Variants in CERS6 observed in about 807,000 individuals in gnomAD.
CERS6 encodes LAG1 homolog, ceramide synthase 6.
A neutral mutation model predicts 56.8 loss-of-function variants in CERS6; 26 were observed. That is an observed-to-expected ratio of 0.46 (90% confidence interval 0.34 to 0.63). The LOEUF (loss-of-function observed/expected upper bound fraction) is 0.63. Among genes scored for constraint, CERS6 ranks in the 30% least tolerant of loss-of-function variants. The pLI is 0.01. For missense variants in CERS6, 415 were observed against 467.5 expected (o/e 0.89, Z 1.04); for synonymous variants, 164 against 173.3 (o/e 0.95, Z 0.42).
At chr2:168,527,928 C>T (rs1574044345) in intron 1 of CERS6, among the ~76,000 whole-genome samples, 1 of 151,954 alleles carries the variant, frequency 6.6e-6, no homozygotes, top group East Asian at 1.9e-4. Context: ...GCCATGTTGC[C>T]CAGCCTGGTC....
chr2:168,728,450 C>T (rs1410702427), intron 8 of CERS6, among the ~76,000 whole-genome samples: 5 of 136,934 alleles, frequency 3.7e-5, no homozygotes, highest in Non-Finnish European at 7.6e-5. Flanking sequence ...AGTGCAATGG[C>T]GCGATCTCGG....
intron 1 of CERS6, among the ~76,000 whole-genome samples, chr2:168,493,125 T>A (rs1227688234): frequency 6.6e-6 from 1 of 152,204 alleles, no homozygotes; most frequent in Non-Finnish European, 1.5e-5. Context: ...CATAATTTTT[T>A]ATGCTAAATT....
At chr2:168,630,432 A>G (rs544977146) in intron 3 of CERS6, among the ~76,000 whole-genome samples, 1 of 152,186 alleles carries the variant, frequency 6.6e-6, no homozygotes, top group African/African-American at 2.4e-5. Flanking sequence ...CAGCTAGACC[A>G]TAAGTTTGGC....
chr2:168,619,268 A>T (rs867674219), intron 3 of CERS6, among the ~76,000 whole-genome samples: 1 of 152,174 alleles, frequency 6.6e-6, no homozygotes. Context: ...AGAAGATAAC[A>T]TTGGAAAAAC....
intron 6 of CERS6, 119 bp downstream of exon 6, chr2:168,695,170 G>T (rs113480296): frequency 1.4e-6 from 1 of 695,850 alleles, no homozygotes; most frequent in Non-Finnish European, 2.5e-6. Context: ...AGGTTAGTAC[G>T]ACTTGCTGCG....
intron 8 of CERS6, among the ~76,000 whole-genome samples, chr2:168,750,406 G>C (rs2105444081): frequency 6.6e-6 from 1 of 152,280 alleles, no homozygotes; most frequent in East Asian, 1.9e-4. Context: ...CAATCCTATA[G>C]TTCTGAGATA....
intron 8 of CERS6, among the ~76,000 whole-genome samples, chr2:168,730,130 T>A (rs952191477): frequency 6.6e-6 from 1 of 152,212 alleles, no homozygotes; most frequent in Non-Finnish European, 1.5e-5. Context: ...AAGAGTGACT[T>A]AGTAGCTTTC....
At chr2:168,733,159 T>C (rs1683599945) in intron 8 of CERS6, among the ~76,000 whole-genome samples, 1 of 152,206 alleles carries the variant, frequency 6.6e-6, no homozygotes, top group South Asian at 2.1e-4. Context: ...AATAAGGGCC[T>C]TAATGGTTTT....
intron 3 of CERS6, among the ~76,000 whole-genome samples, chr2:168,573,426 G>T (rs1574074148): frequency 6.6e-6 from 1 of 152,184 alleles, no homozygotes; most frequent in East Asian, 1.9e-4. Context: ...TGATAGATTT[G>T]GGGGACAGAG....
intron 1 of CERS6, among the ~76,000 whole-genome samples, chr2:168,517,035 C>G (rs1219292503): frequency 6.6e-6 from 1 of 151,950 alleles, no homozygotes; most frequent in East Asian, 1.9e-4. Flanking sequence ...GTTGTTTGGA[C>G]TCTGGAAATC....
At chr2:168,551,019 A>G (rs1362197825) in intron 2 of CERS6, among the ~76,000 whole-genome samples, 1 of 152,200 alleles carries the variant, frequency 6.6e-6, no homozygotes, top group Non-Finnish European at 1.5e-5. Context: ...CCAAGAATCC[A>G]AGCTCCTGGC....
chr2:168,456,664 A>C lies in CERS6; in HGVS notation c.170+46A>C, dbSNP rs770156015. 1 of 1,560,240 alleles carries C rather than the reference A, an allele frequency of 6.4e-7. No homozygotes were observed. Among genetic ancestry groups the C allele is most frequent in the East Asian group, 2.3e-5 (1 of 42,698 alleles). On this transcript the variant is annotated intron_variant, in intron 1 of 9. Transcript: ENST00000305747. The surrounding 1 kb of genome is among the most constrained non-coding windows in gnomAD (Gnocchi z 4.1). ...TCCTCCCCTCCCCCTGCGCACACAC[A>C]CGCGCGCACACACTCGCGCGCTCTC...
intron 1 of CERS6, among the ~76,000 whole-genome samples, chr2:168,504,959 T>C (rs1002789309): frequency 6.6e-6 from 1 of 152,174 alleles, no homozygotes; most frequent in African/African-American, 2.4e-5. Flanking sequence ...GGCGGTTCTC[T>C]TAAAGCCAGG....
rs1023710725 is a variant in CERS6, at chr2:168,739,152, G to A, written c.845+21174G>A. ...TCAAATTCCTGAGCTCGGGTAATCC[G>A]CCTGCCTCGGCCTCCCAAAGTGCTA... On this transcript the variant is annotated intron_variant, in intron 8 of 9. Coordinates refer to ENST00000305747, the MANE Select transcript of CERS6 (RefSeq NM_203463.3). Among the ~76,000 whole-genome samples the A allele has an allele frequency of 5.0e-5, 7 of 139,128 alleles. No individual in the cohort carries two copies. The East Asian group carries it at 1.1e-3, about 22-fold the overall frequency. 91.3% of individuals were successfully genotyped at this position (139,128 alleles called of 152,430 possible).
intron 6 of CERS6, among the ~76,000 whole-genome samples, chr2:168,701,705 T>C (rs1686808037): frequency 6.6e-6 from 1 of 152,116 alleles, no homozygotes; most frequent in African/African-American, 2.4e-5. Flanking sequence ...AAGTCTTTTA[T>C]ATAAAATGGT....
chr2:168,668,054 G>A (rs1025798808), intron 4 of CERS6, among the ~76,000 whole-genome samples: 6 of 152,202 alleles, frequency 3.9e-5, no homozygotes, highest in Non-Finnish European at 8.8e-5. Context: ...ATTTGAGGTT[G>A]AAATCATGAT....
At chr2:168,466,599 A>G (rs943226221) in intron 1 of CERS6, among the ~76,000 whole-genome samples, 13 of 152,318 alleles carry the variant, frequency 8.5e-5, no homozygotes, top group African/African-American at 3.1e-4. Context: ...TTGAAGTTTA[A>G]TGTTTGGTCA....
chr2:168,664,134 C>T (rs898950730), intron 4 of CERS6, among the ~76,000 whole-genome samples: 1 of 152,180 alleles, frequency 6.6e-6, no homozygotes, highest in Non-Finnish European at 1.5e-5. Context: ...CTTAGCTGCA[C>T]ACTCAGCTGC....
chr2:168,671,735 C>G (rs938878354), intron 4 of CERS6, among the ~76,000 whole-genome samples: 15 of 152,122 alleles, frequency 9.9e-5, no homozygotes, highest in African/African-American at 2.9e-4. Context: ...TGGAGTCATT[C>G]TTTCAGGATG....
Sources: gnomAD v4.1 joint callset for allele counts (sites outside exome capture counted in the v4.1 genomes callset) on GRCh38, gnomAD v4.1.1 for gene constraint, Gnocchi (gnomAD v3.1) non-coding constraint, MANE v1.5 for transcripts, NCBI Gene and HGNC (gene_info 2026-07-23, HGNC 2026-07-21) for gene names.